Variants in NTRK2 observed in about 807,000 individuals in gnomAD.
NTRK2 encodes neurotrophic receptor tyrosine kinase 2.
Under a neutral mutation model 94.5 loss-of-function variants are expected in NTRK2, and 13 were observed. The ratio of observed to expected loss-of-function variants is 0.14; its 90% CI spans 0.09 to 0.22. NTRK2 has a LOEUF of 0.22. Among genes scored for constraint, NTRK2 ranks in the 10% least tolerant of loss-of-function variants. The probability of loss-of-function intolerance (pLI) is 1.00; values close to 1 mark genes in which losing one functional copy is unlikely to be tolerated. For missense variants in NTRK2, 639 were observed against 1,071.2 expected, an observed-to-expected ratio of 0.60 and a Z score of 5.63; for synonymous variants, 372 against 407.4, an observed-to-expected ratio of 0.91 and a Z score of 1.05.
At chr9:84,723,277 A>C (rs961354856) in intron 6 of NTRK2, among the ~76,000 whole-genome samples, 14 of 152,226 alleles carry the variant, frequency 9.2e-5, no homozygotes, top group African/African-American at 3.1e-4. Flanking sequence ...GTAGAACAGG[A>C]AAAGAGGTGG....
chr9:84,990,707 G>A (rs915820554), intron 17 of NTRK2, among the ~76,000 whole-genome samples: 3 of 152,128 alleles, frequency 2.0e-5, no homozygotes, highest in Non-Finnish European at 2.9e-5. Context: ...TTGACATTAC[G>A]TGCGCCAGCT....
At chr9:84,988,726 G>A (rs1164580105) in intron 17 of NTRK2, among the ~76,000 whole-genome samples, 4 of 152,218 alleles carry the variant, frequency 2.6e-5, no homozygotes, top group South Asian at 4.1e-4. Flanking sequence ...GATGGCAGGC[G>A]ATGCCAGGCC....
chr9:84,809,899 A>AAG (rs1554737894), intron 12 of NTRK2, among the ~76,000 whole-genome samples: 4,248 of 148,500 alleles, frequency 0.029, 232 homozygotes, highest in African/African-American at 0.1. Flanking sequence ...AAAAAAAAAA[A>AAG]AAAGAAAGAA....
At chr9:84,815,770 C>T in intron 12 of NTRK2, 1 of 999,788 alleles carries the variant, frequency 1.0e-6, no homozygotes, top group Non-Finnish European at 1.2e-6. Flanking sequence ...TGTGTGCTGT[C>T]ACCTGAGTGC....
chr9:84,686,395 G>A (rs1322589679), intron 2 of NTRK2, among the ~76,000 whole-genome samples: 4 of 152,100 alleles, frequency 2.6e-5, no homozygotes, highest in African/African-American at 9.7e-5. Flanking sequence ...ATCACTCCAG[G>A]GTCACCTGAT....
intron 15 of NTRK2, among the ~76,000 whole-genome samples, chr9:84,942,611 T>C (rs1417396484): frequency 6.6e-6 from 1 of 152,214 alleles, no homozygotes; most frequent in African/African-American, 2.4e-5. Flanking sequence ...CTTCTTAGTA[T>C]GCATATTTAA....
intron 12 of NTRK2, chr9:84,810,981 T>G (rs761990040): frequency 3.6e-6 from 4 of 1,119,274 alleles, no homozygotes; most frequent in Non-Finnish European, 4.4e-6. Flanking sequence ...ACCTGCAAAG[T>G]TAAAAAAAAA....
At chr9:84,951,713 C>G (rs2078789179) in intron 16 of NTRK2, among the ~76,000 whole-genome samples, 6 of 152,178 alleles carry the variant, frequency 3.9e-5, no homozygotes, top group Admixed American at 3.9e-4. Context: ...GTTTCAGAAC[C>G]TGCTAAACTC....
chr9:84,827,324 C>T (rs555627236), intron 12 of NTRK2, among the ~76,000 whole-genome samples: 5 of 152,194 alleles, frequency 3.3e-5, no homozygotes, highest in Non-Finnish European at 7.3e-5. Context: ...TTCATTCAAC[C>T]ATGCATTTAA....
intron 12 of NTRK2, among the ~76,000 whole-genome samples, chr9:84,824,021 G>A (rs2073025650): frequency 2.0e-5 from 3 of 152,170 alleles, no homozygotes; most frequent in African/African-American, 4.8e-5. Flanking sequence ...CTAAGCAGGA[G>A]TATGATTTGA....
intron 12 of NTRK2, among the ~76,000 whole-genome samples, chr9:84,832,699 C>T (rs1382502330): frequency 2.0e-5 from 3 of 152,256 alleles, no homozygotes; most frequent in Admixed American, 6.5e-5. Context: ...GAACCAGCTG[C>T]GAAAACATAA....
intron 17 of NTRK2, among the ~76,000 whole-genome samples, chr9:84,968,469 G>A (rs1168540793): frequency 2.6e-5 from 4 of 152,184 alleles, no homozygotes; most frequent in Non-Finnish European, 1.5e-5. Context: ...TTTAGATTGG[G>A]AAGGGGCTTC....
chr9:84,987,983 C>T (rs11795386), intron 17 of NTRK2, among the ~76,000 whole-genome samples: 33,011 of 152,212 alleles, frequency 0.22, 4,321 homozygotes, highest in African/African-American at 0.37. Context: ...ACCCATCAAT[C>T]AACAAGTGCT....
intron 12 of NTRK2, among the ~76,000 whole-genome samples, chr9:84,795,036 G>A (rs1281431952): frequency 6.6e-6 from 1 of 152,030 alleles, no homozygotes; most frequent in Admixed American, 6.5e-5. Context: ...TCTACCTTGA[G>A]CTCTCAGCTC....
rs57132074 is a variant in NTRK2, at chr9:84,720,017, C to CAAAAA, written c.584-3538_584-3534dup. ...CCTGGTTGACAGAGCAAGACTATCT[C>CAAAAA]AAAAAAAAAAAAAAAAAAAAAAGGG... On this transcript the variant is annotated intron_variant, in intron 6 of 18. Coordinates refer to ENST00000277120, the MANE Select transcript of NTRK2 (RefSeq NM_006180.6). 6.8e-5 allele frequency among the ~76,000 whole-genome samples: 6 copies of CAAAAA among 87,750 alleles called. No homozygotes were observed. The East Asian group carries it at 2.0e-3, about 30-fold the overall frequency. The allele number at this position is 87,750 out of a possible 152,430, so 57.6% of individuals were successfully genotyped here.
At chr9:84,717,721 T>C (rs2061790577) in intron 6 of NTRK2, among the ~76,000 whole-genome samples, 1 of 152,240 alleles carries the variant, frequency 6.6e-6, no homozygotes, top group Admixed American at 6.5e-5. Flanking sequence ...CAATAAATAA[T>C]AGCTATTACT....
At chr9:84,697,173 C>T (rs753096832) in intron 2 of NTRK2, among the ~76,000 whole-genome samples, 1 of 152,168 alleles carries the variant, frequency 6.6e-6, no homozygotes, top group African/African-American at 2.4e-5. Context: ...GCTGACTTGC[C>T]TAAGAGAGCA....
intron 12 of NTRK2, among the ~76,000 whole-genome samples, chr9:84,772,627 A>G (rs985502751): frequency 1.3e-5 from 2 of 152,322 alleles, no homozygotes; most frequent in Non-Finnish European, 2.9e-5. Context: ...GAGGCCTGAC[A>G]TCCCAGCAGC....
intron 2 of NTRK2, among the ~76,000 whole-genome samples, chr9:84,696,177 T>G (rs1379303537): frequency 6.6e-6 from 1 of 152,188 alleles, no homozygotes; most frequent in African/African-American, 2.4e-5. Flanking sequence ...GCCCAGCTAA[T>G]TTTTAAATTT....
Sources: gnomAD v4.1 joint callset for allele counts (sites outside exome capture counted in the v4.1 genomes callset) on GRCh38, gnomAD v4.1.1 for gene constraint, MANE v1.5 for transcripts, NCBI Gene and HGNC (gene_info 2026-07-23, HGNC 2026-07-21) for gene names.